BCAS3: variants seen among roughly 807,000 people sequenced by gnomAD.
The protein encoded by BCAS3 is BCAS3 microtubule associated cell migration factor.
Under a neutral mutation model 116.1 loss-of-function variants are expected in BCAS3, and 53 were observed. The ratio of observed to expected loss-of-function variants is 0.46; its 90% CI spans 0.37 to 0.57. The LOEUF is 0.57. BCAS3 is among the 20% of genes least tolerant of loss of function. The pLI, the probability that BCAS3 is intolerant of heterozygous loss-of-function variation, is 0.00. For synonymous variants in BCAS3, 391 were observed against 408.2 expected (o/e 0.96, Z 0.51); for missense variants, 917 against 1,165.4 (o/e 0.79, Z 3.10).
intron 5 of BCAS3, among the ~76,000 whole-genome samples, chr17:60,728,770 C>T (rs932091654): frequency 6.6e-6 from 1 of 152,288 alleles, no homozygotes; most frequent in South Asian, 2.1e-4. Context: ...TGAGCCACCA[C>T]ACCCGATAAT....
intron 19 of BCAS3, among the ~76,000 whole-genome samples, chr17:61,061,185 C>G (rs767407622): frequency 3.3e-5 from 5 of 152,140 alleles, no homozygotes; most frequent in Non-Finnish European, 7.4e-5. Flanking sequence ...GGTCTAAAAG[C>G]TTTTGTCTCT....
chr17:60,704,973 G>T (rs2036923857), intron 4 of BCAS3, among the ~76,000 whole-genome samples: 1 of 152,010 alleles, frequency 6.6e-6, no homozygotes, highest in Non-Finnish European at 1.5e-5. Context: ...TGGGCCTCTA[G>T]ATCAAAGGGC....
At position 61,180,459 on chromosome 17, in the gene BCAS3, C is replaced by T. The variant is rs1238970310; in HGVS notation, c.2425+95895C>T. ...GAAATAATTTGGCTAAAATTCTGGC[C>T]CAGTGTTGTCAGAGGATATGAAAGA... is the stretch of plus-strand genomic sequence containing the variant. On this transcript the variant is annotated intron_variant, in intron 22 of 23. Transcript: ENST00000407086. This position sits in a 1 kb window ranked among gnomAD's most constrained non-coding sequence, Gnocchi z 6.0. Among the ~76,000 whole-genome samples, 1 of 152,166 alleles carries T rather than the reference C, an allele frequency of 6.6e-6. No individual in the cohort carries two copies. The highest frequency in any genetic ancestry group is 2.4e-5 in the African/African-American group (1 of 41,428).
intron 7 of BCAS3, among the ~76,000 whole-genome samples, chr17:60,838,781 T>C (rs2051609679): frequency 6.6e-6 from 1 of 152,244 alleles, no homozygotes; most frequent in African/African-American, 2.4e-5. Context: ...AAAAAAATAT[T>C]AATCATGCTG....
chr17:61,045,860 TATATA>T (rs1433107438), intron 19 of BCAS3, among the ~76,000 whole-genome samples: 4 of 1,930 alleles, frequency 2.1e-3, no homozygotes, highest in Non-Finnish European at 2.5e-3. Context: ...TATATATATA[TATATA>T]AATATATATA....
chr17:60,736,477 C>T (rs890152510), intron 5 of BCAS3, among the ~76,000 whole-genome samples: 4 of 152,042 alleles, frequency 2.6e-5, no homozygotes, highest in African/African-American at 9.7e-5. Context: ...TGAGCCACCA[C>T]ACACAGCCTA....
At chr17:61,257,678 G>A (rs929033578) in intron 22 of BCAS3, among the ~76,000 whole-genome samples, 1 of 152,146 alleles carries the variant, frequency 6.6e-6, no homozygotes, top group South Asian at 2.1e-4. Flanking sequence ...GTAACATTAT[G>A]TAGAGGGAGG....
chr17:61,175,012 G>C (rs2079055995), intron 22 of BCAS3, among the ~76,000 whole-genome samples: 1 of 152,198 alleles, frequency 6.6e-6, no homozygotes, highest in Non-Finnish European at 1.5e-5. Context: ...GTACACTAGT[G>C]AGTGGTGCAG....
chr17:60,992,467 G>A (rs1390911163), intron 15 of BCAS3, among the ~76,000 whole-genome samples: 1 of 152,120 alleles, frequency 6.6e-6, no homozygotes, highest in Non-Finnish European at 1.5e-5. Flanking sequence ...GTCATTGGGA[G>A]CTAAACATTG....
chr17:61,130,434 C>G lies in BCAS3; in HGVS notation c.2425+45870C>G, dbSNP rs956436420. On this transcript the variant is annotated intron_variant, in intron 22 of 23. Coordinates refer to ENST00000407086, the MANE Select transcript of BCAS3 (RefSeq NM_017679.5). This position sits in a 1 kb window ranked among gnomAD's most constrained non-coding sequence, Gnocchi z 5.0. Reference sequence around the variant, plus strand: ...AACCACAAAACCGATTCTTAATTACCTCTTGCCTGGGACACTGCAGAAGTA... The same window carrying G: ...AACCACAAAACCGATTCTTAATTACGTCTTGCCTGGGACACTGCAGAAGTA... 6.6e-5 allele frequency among the ~76,000 whole-genome samples: 10 copies of G among 152,128 alleles called. No homozygotes were observed. The highest frequency in any genetic ancestry group is 1.3e-4 in the Non-Finnish European group (9 of 68,024).
chr17:61,046,034 T>TTTATATATATATAATATATATA (rs2068223663), intron 19 of BCAS3, among the ~76,000 whole-genome samples: 1 of 12,328 alleles, frequency 8.1e-5, no homozygotes, highest in Non-Finnish European at 1.2e-4. Context: ...TATATATATA[T>TTTATATATATATAATATATATA]TTATATATAT....
intron 14 of BCAS3, among the ~76,000 whole-genome samples, chr17:60,973,094 T>G (rs1251594241): frequency 2.0e-5 from 3 of 152,146 alleles, no homozygotes; most frequent in Admixed American, 2.0e-4. Flanking sequence ...TTAAAATCAG[T>G]GTTTATTTTT....
intron 22 of BCAS3, among the ~76,000 whole-genome samples, chr17:61,135,355 G>A (rs1020629886): frequency 3.3e-5 from 5 of 152,130 alleles, no homozygotes; most frequent in African/African-American, 1.2e-4. Context: ...TCTGCATTAG[G>A]TAAATGTCAT....
chr17:61,392,307 G>A lies in BCAS3; in HGVS notation c.*182G>A, dbSNP rs529774009. 274 of 695,494 alleles carry A rather than the reference G, an allele frequency of 3.9e-4. 1 individual carries two copies. Among genetic ancestry groups the A allele is most frequent in the Middle Eastern group, 2.0e-3 (8 of 4,052 alleles). 43.1% of individuals were successfully genotyped at this position (695,494 alleles called of 1,614,324 possible). On this transcript the variant is annotated 3_prime_UTR_variant, in exon 24 of 24. Transcript: ENST00000407086. This position sits in a 1 kb window ranked among gnomAD's most constrained non-coding sequence, Gnocchi z 6.4. The stretch of plus-strand genomic sequence containing the variant: ...GAGACCCTTCTCCAAGCACCTCAGC[G>A]CACTTGCCCTCTGCCACACCTGTCG...
At chr17:61,263,122 A>G (rs1246361523) in intron 22 of BCAS3, among the ~76,000 whole-genome samples, 1 of 152,226 alleles carries the variant, frequency 6.6e-6, no homozygotes, top group African/African-American at 2.4e-5. Context: ...GCACACACAG[A>G]AGTGTTCACC....
At chr17:61,133,948 T>C (rs1456427591) in intron 22 of BCAS3, among the ~76,000 whole-genome samples, 2 of 148,500 alleles carry the variant, frequency 1.3e-5, no homozygotes, top group Non-Finnish European at 3.0e-5. Flanking sequence ...TTTGCAAACA[T>C]ACTTAGCATG....
chr17:60,910,797 C>A, intron 12 of BCAS3, 95 bp downstream of exon 12: 1 of 1,154,108 alleles, frequency 8.7e-7, no homozygotes, highest in Non-Finnish European at 1.2e-6. Flanking sequence ...AGGAGATTAT[C>A]AATTTGGAAT....
intron 7 of BCAS3, among the ~76,000 whole-genome samples, chr17:60,826,424 G>A (rs1169699286): frequency 6.6e-6 from 1 of 151,904 alleles, no homozygotes; most frequent in Non-Finnish European, 1.5e-5. Context: ...ATTCTCTCGT[G>A]TCGGCCTCTC....
At chr17:60,826,466 C>T (rs1228762176) in intron 7 of BCAS3, among the ~76,000 whole-genome samples, 1 of 152,174 alleles carries the variant, frequency 6.6e-6, no homozygotes, top group Non-Finnish European at 1.5e-5. Context: ...TGAGCCACCA[C>T]TATAGCTGGT....
Sources: allele counts gnomAD v4.1 joint callset (sites outside exome capture counted in the v4.1 genomes callset), GRCh38; gene constraint gnomAD v4.1.1; non-coding constraint Gnocchi (gnomAD v3.1); transcripts MANE v1.5; gene names NCBI Gene and HGNC (gene_info 2026-07-23, HGNC 2026-07-21).